Variants in KDM3A observed in about 807,000 individuals in gnomAD.
KDM3A encodes lysine demethylase 3A.
A neutral mutation model predicts 158.0 loss-of-function variants in KDM3A; 60 were observed. That is an observed-to-expected ratio of 0.38 (90% confidence interval 0.31 to 0.47). KDM3A has a LOEUF of 0.47. Among genes scored for constraint, KDM3A ranks in the 20% least tolerant of loss-of-function variants. The pLI, the probability that KDM3A is intolerant of heterozygous loss-of-function variation, is 0.99. For missense variants in KDM3A, 1,319 were observed against 1,574.3 expected, an observed-to-expected ratio of 0.84 and a Z score of 2.74; for synonymous variants, 608 against 549.3, an observed-to-expected ratio of 1.11 and a Z score of -1.49.
At chr2:86,442,521 C>T (rs1470991518) in intron 2 of KDM3A, 1 of 284,640 alleles carries the variant, frequency 3.5e-6, no homozygotes, top group Non-Finnish European at 6.6e-6. Flanking sequence ...ATCTTTACTG[C>T]AGAGGAGGAG....
Position 86,466,535 on chromosome 2 carries a change from A to T in KDM3A, c.1171A>T (p.Thr391Ser). 1.2e-6 allele frequency: 2 copies of T among 1,613,952 alleles called. No individual in the cohort carries two copies. The highest frequency in any genetic ancestry group is 1.1e-5 in the South Asian group (1 of 91,084). ...TCTGACTGAGCCAAAAGGCAGCTGT[A>T]CTCAGCCTAAGACAAACACTGATCA... The part of the protein sequence containing the change: ...KILTEPKGSC[T>S]QPKTNTDQEN... Residue 391 changes from threonine (T) to serine (S), a missense_variant, in exon 10 of 26, where the codon ACT (threonine) becomes TCT (serine). Physicochemically the swap from Thr to Ser is moderately conservative, Grantham distance 58. Coordinates refer to ENST00000312912, the MANE Select transcript of KDM3A (RefSeq NM_018433.6).
rs1558631262 is a variant in KDM3A, at chr2:86,485,395, G to A, written c.3183-334G>A. ...AGTTAGACAAGAAGACATCTACTGG[G>A]TAGATCTATTTTCCTGACTGAGCTT... On this transcript the variant is annotated intron_variant, in intron 20 of 25. Coordinates refer to ENST00000312912, the MANE Select transcript of KDM3A (RefSeq NM_018433.6). Among the ~76,000 whole-genome samples, 6 of 152,286 alleles carry A rather than the reference G, an allele frequency of 3.9e-5. No individual in the cohort carries two copies. The South Asian group carries it at 1.0e-3, about 26-fold the overall frequency.
intron 23 of KDM3A, chr2:86,490,004 C>T (rs535469897): frequency 3.3e-5 from 6 of 179,932 alleles, no homozygotes; most frequent in South Asian, 1.5e-4. Flanking sequence ...GCACTTCAGA[C>T]GTTCATGTAT....
At chr2:86,460,598 A>C (rs1234540692) in intron 8 of KDM3A, among the ~76,000 whole-genome samples, 1 of 152,200 alleles carries the variant, frequency 6.6e-6, no homozygotes, top group Admixed American at 6.5e-5. Flanking sequence ...TTTGGTTAAG[A>C]TAAACCTGTT....
At chr2:86,463,027 G>A (rs1672988022) in intron 8 of KDM3A, among the ~76,000 whole-genome samples, 2 of 152,176 alleles carry the variant, frequency 1.3e-5, no homozygotes, top group Admixed American at 1.3e-4. Context: ...GGAGGCAGAG[G>A]TTGCAATGAA....
intron 5 of KDM3A, among the ~76,000 whole-genome samples, 195 bp downstream of exon 5, chr2:86,455,382 A>G (rs918333039): frequency 2.7e-5 from 4 of 150,182 alleles, no homozygotes; most frequent in Admixed American, 6.7e-5. Context: ...CCTTACAAGT[A>G]GCTAGGACTA....
In KDM3A at chr2:86,482,505, T is replaced by C. The variant is rs1673981690; in HGVS notation, c.2733T>C (p.Phe911=). The part of the protein sequence containing the change: ...KNTPKILDDI[F]ASLVQNKTTS... The stretch of plus-strand genomic sequence containing the variant: ...CACCAAAAATCCTTGATGACATCTT[T>C]GCCTCTTTGGTGCAAAATAAGACGA... Residue 911 remains phenylalanine, a synonymous_variant, in exon 18 of 26, where the codon TTT becomes TTC. Transcript: ENST00000312912. 6.2e-7 allele frequency: 1 copy of C among 1,614,236 alleles called. No homozygotes were observed. Among genetic ancestry groups the C allele is most frequent in the Non-Finnish European group, 8.5e-7 (1 of 1,180,030 alleles).
intron 8 of KDM3A, among the ~76,000 whole-genome samples, chr2:86,460,611 C>T (rs1276985006): frequency 6.6e-6 from 1 of 152,160 alleles, no homozygotes; most frequent in Non-Finnish European, 1.5e-5. Context: ...AACCTGTTTG[C>T]CAGTGATACC....
intron 21 of KDM3A, 129 bp from the exon 22 acceptor site, chr2:86,489,189 A>T: frequency 9.0e-7 from 1 of 1,115,178 alleles, no homozygotes; most frequent in Non-Finnish European, 1.3e-6. Flanking sequence ...TTTTGCAATA[A>T]TTTGATCCAG....
At chr2:86,485,308 T>C (rs1342722812) in intron 20 of KDM3A, among the ~76,000 whole-genome samples, 2 of 152,212 alleles carry the variant, frequency 1.3e-5, no homozygotes, top group Non-Finnish European at 2.9e-5. Flanking sequence ...CTTACAAGGC[T>C]GATTTGGAGG....
chr2:86,445,859 A>C (rs1013819235), intron 2 of KDM3A, among the ~76,000 whole-genome samples: 1 of 152,250 alleles, frequency 6.6e-6, no homozygotes, highest in East Asian at 1.9e-4. Context: ...AGCACAAGGA[A>C]TTAATTTCTT....
chr2:86,462,301 G>A (rs1352188018), intron 8 of KDM3A, among the ~76,000 whole-genome samples: 1 of 152,038 alleles, frequency 6.6e-6, no homozygotes, highest in South Asian at 2.1e-4. Flanking sequence ...TTGGGAGAGT[G>A]AGGAAAGGTA....
At chr2:86,482,384 C>T (rs1355571120) in intron 17 of KDM3A, 74 bp from the exon 18 acceptor site, 2 of 1,567,746 alleles carry the variant, frequency 1.3e-6, no homozygotes, top group African/African-American at 1.4e-5. Context: ...GTAATCTATA[C>T]TCATTATGGG....
intron 17 of KDM3A, 54 bp downstream of exon 17, chr2:86,482,156 A>G (rs1673961753): frequency 1.3e-6 from 2 of 1,557,268 alleles, no homozygotes; most frequent in Non-Finnish European, 1.8e-6. Flanking sequence ...CAGAACAGGA[A>G]GAGAGTAGAG....
At chr2:86,485,693 A>C (rs774938528) in intron 20 of KDM3A, 36 bp from the exon 21 acceptor site, 1 of 1,607,172 alleles carries the variant, frequency 6.2e-7, no homozygotes, top group East Asian at 2.2e-5. Flanking sequence ...TAGAAAAGCA[A>C]TCTAACTTTG....
chr2:86,468,883 G>A (rs1673276857), intron 10 of KDM3A, among the ~76,000 whole-genome samples: 1 of 152,162 alleles, frequency 6.6e-6, no homozygotes, highest in African/African-American at 2.4e-5. Flanking sequence ...TCAGTAAAGA[G>A]CTAGATTTAG....
rs1286571219 is a variant in KDM3A at position 86,478,617 on chromosome 2, A to G, written c.2198A>G (p.Asp733Gly). ...TQIIPGKALY[D>G]VGDIVHSVRA... ...TCTGCCCTTTCTTTAGCACTCTATG[A>G]TGTTGGAGACATTGTTCATTCTGTA... is the stretch of plus-strand genomic sequence containing the variant. The change falls in exon 15 of 26, where the codon GAT (aspartate) becomes GGT (glycine). Residue 733 changes from aspartate (D) to glycine (G), a missense_variant. Transcript: ENST00000312912. 1.2e-6 allele frequency: 2 copies of G among 1,614,108 alleles called. No homozygotes were observed. Among genetic ancestry groups the G allele is most frequent in the Non-Finnish European group, 1.7e-6 (2 of 1,179,980 alleles).
rs377529059 is a variant in KDM3A, at chr2:86,470,277, A to G, written c.1593A>G (p.Val531=). ...TGCAACAGAGTGGCGAGGCCTTCGTACAGGATGATTCTTGTGTGAACATCG... is the reference window on the plus strand; with the variant it reads ...TGCAACAGAGTGGCGAGGCCTTCGTGCAGGATGATTCTTGTGTGAACATCG... ...KKLQQSGEAF[V]QDDSCVNIVA... The change falls in exon 11 of 26, where the codon GTA becomes GTG. Residue 531 remains valine, a synonymous_variant. Transcript: ENST00000312912. 5.1e-5 allele frequency: 82 copies of G among 1,614,020 alleles called. 1 individual carries two copies. Among genetic ancestry groups the G allele is most frequent in the Middle Eastern group, 3.3e-4 (2 of 6,082 alleles).
intron 11 of KDM3A, among the ~76,000 whole-genome samples, chr2:86,473,915 C>T (rs1004863502): frequency 3.3e-5 from 5 of 152,154 alleles, no homozygotes; most frequent in African/African-American, 1.2e-4. Context: ...TCCCTCTTTC[C>T]AGAAGCTTGG....
Sources: allele counts gnomAD v4.1 joint callset (sites outside exome capture counted in the v4.1 genomes callset), GRCh38; gene constraint gnomAD v4.1.1; transcripts MANE v1.5; gene names NCBI Gene and HGNC (gene_info 2026-07-23, HGNC 2026-07-21).